The following HECA variants were observed in gnomAD, a reference collection of about 807,000 sequenced individuals.
HECA encodes the protein headcase protein homolog.
In HECA, 13 loss-of-function variants were observed where a neutral mutation model predicts 37.6. The ratio of observed to expected loss-of-function variants is 0.35; its 90% CI spans 0.23 to 0.55. HECA has a LOEUF of 0.55. Among genes scored for constraint, HECA ranks in the 20% least tolerant of loss-of-function variants. The pLI is 0.90. For missense variants in HECA, 527 were observed against 701.9 expected (o/e 0.75, Z 2.82); for synonymous variants, 307 against 291.5 (o/e 1.05, Z -0.54).
chr6:139,140,660 C>G (rs539512008), intron 1 of HECA, among the ~76,000 whole-genome samples: 8 of 152,326 alleles, frequency 5.3e-5, no homozygotes, highest in Non-Finnish European at 1.0e-4. Flanking sequence ...ACGGGAAAAT[C>G]TCTTGCAGCT....
At chr6:139,149,120 A>G (rs1774618524) in intron 1 of HECA, among the ~76,000 whole-genome samples, 1 of 152,204 alleles carries the variant, frequency 6.6e-6, no homozygotes, top group South Asian at 2.1e-4. Flanking sequence ...ACATGTGTAT[A>G]TTAATAAAAT....
chr6:139,163,605 C>T (rs145975280), intron 1 of HECA, among the ~76,000 whole-genome samples: 3 of 152,294 alleles, frequency 2.0e-5, no homozygotes, highest in East Asian at 1.9e-4. Context: ...CCACCCGCCA[C>T]GGCCTTCGAA....
intron 1 of HECA, among the ~76,000 whole-genome samples, chr6:139,136,641 G>GTT (rs71015633): frequency 1.0e-3 from 146 of 142,498 alleles, no homozygotes; most frequent in East Asian, 1.8e-3. Context: ...TTTTTGTTTT[G>GTT]TTTTTTTTTT....
In HECA at chr6:139,166,686, G is replaced by A. The variant is rs747861281; in HGVS notation, c.674G>A (p.Cys225Tyr). The change falls in exon 2 of 4, where the codon TGC becomes TAC. Residue 225 changes from cysteine (C) to tyrosine (Y), a missense_variant. By Grantham distance (194) the Cys-to-Tyr change is radical. Transcript: ENST00000367658. The part of the protein sequence containing the change: ...PGEAAEEAKK[C>Y]RPPNKPQKGP... ...GAGGCGGCGGAGGAGGCAAAAAAGT[G>A]CAGGCCCCCAAATAAGCCCCAGAAA... 2.0e-5 allele frequency: 32 copies of A among 1,613,390 alleles called. No homozygotes were observed. Among genetic ancestry groups the A allele is most frequent in the Non-Finnish European group, 2.6e-5 (31 of 1,179,730 alleles).
intron 1 of HECA, among the ~76,000 whole-genome samples, chr6:139,154,543 G>A (rs1027877794): frequency 2.0e-5 from 3 of 152,208 alleles, no homozygotes; most frequent in Admixed American, 1.3e-4. Context: ...TTTTCTAACC[G>A]GTAACTGGTC....
chr6:139,135,577 G>C lies in HECA; in HGVS notation c.181G>C (p.Gly61Arg). ...GGCGGCGGCGGGCGCGCCGGGCGCC[G>C]GAGGCGCGGCGGGCGCCGGAGGCGC... ...GAAAAGAPGAGGAAGAGGAGT... is the reference protein window; with the variant it reads ...GAAAAGAPGARGAAGAGGAGT... The change falls in exon 1 of 4, where the codon GGA becomes CGA. Residue 61 changes from glycine to arginine, a missense_variant. Gly to Arg is a moderately radical substitution (Grantham distance 125). Around this residue, in one of 4 missense-constraint regions of HECA, gnomAD observed 172 missense variants for 197.6 expected, o/e 0.87. Coordinates refer to ENST00000367658, the MANE Select transcript of HECA (RefSeq NM_016217.3). 1.6e-5 allele frequency: 15 copies of C among 947,868 alleles called. No homozygotes were observed. Among genetic ancestry groups the C allele is most frequent in the Non-Finnish European group, 1.9e-5 (15 of 799,946 alleles). 58.7% of individuals were successfully genotyped at this position (947,868 alleles called of 1,614,324 possible).
At chr6:139,146,912 A>G (rs1433979857) in intron 1 of HECA, among the ~76,000 whole-genome samples, 1 of 152,222 alleles carries the variant, frequency 6.6e-6, no homozygotes, top group African/African-American at 2.4e-5. Flanking sequence ...GCTGTAGTGC[A>G]GAAGCAAATT....
intron 1 of HECA, among the ~76,000 whole-genome samples, chr6:139,165,352 A>G (rs72980678): frequency 6.6e-6 from 1 of 152,082 alleles, no homozygotes; most frequent in Non-Finnish European, 1.5e-5. Context: ...AGCCTCCCCC[A>G]CTGTGAATAC....
At chr6:139,152,591 T>C (rs1774664768) in intron 1 of HECA, among the ~76,000 whole-genome samples, 2 of 152,182 alleles carry the variant, frequency 1.3e-5, no homozygotes, top group Admixed American at 1.3e-4. Context: ...GTTCACACAC[T>C]AAAATAACAT....
chr6:139,163,155 C>A (rs1774831013), intron 1 of HECA, among the ~76,000 whole-genome samples: 1 of 152,070 alleles, frequency 6.6e-6, no homozygotes, highest in Admixed American at 6.5e-5. Context: ...GATTTTACCC[C>A]CTAGGGGATA....
chr6:139,154,492 G>A (rs1774690041), intron 1 of HECA, among the ~76,000 whole-genome samples: 1 of 152,214 alleles, frequency 6.6e-6, no homozygotes, highest in South Asian at 2.1e-4. Flanking sequence ...TATCAGTTGA[G>A]CTTTTAGAAT....
intron 1 of HECA, among the ~76,000 whole-genome samples, chr6:139,142,987 G>T (rs1774534543): frequency 6.6e-6 from 1 of 152,126 alleles, no homozygotes; most frequent in South Asian, 2.1e-4. Context: ...TTTAGTAACT[G>T]GTGATAGAGT....
chr6:139,172,253 T>C (rs1562250074), intron 2 of HECA, among the ~76,000 whole-genome samples: 1 of 152,248 alleles, frequency 6.6e-6, no homozygotes, highest in Non-Finnish European at 1.5e-5. Flanking sequence ...CATGAGCCAC[T>C]GTGCCTAGCC....
intron 1 of HECA, among the ~76,000 whole-genome samples, chr6:139,151,903 A>C (rs889852081): frequency 1.3e-5 from 2 of 152,224 alleles, no homozygotes; most frequent in East Asian, 1.9e-4. Flanking sequence ...TCCTGTGTGC[A>C]GTATGGGTGG....
At chr6:139,152,572 T>C (rs1774664536) in intron 1 of HECA, among the ~76,000 whole-genome samples, 1 of 152,172 alleles carries the variant, frequency 6.6e-6, no homozygotes, top group South Asian at 2.1e-4. Context: ...GCTACTCACT[T>C]TGGAGCAGGT....
rs983188928 is a variant in HECA, at chr6:139,166,567, G to A, written c.555G>A (p.Leu185=). Residue 185 remains leucine (L), a synonymous_variant, in exon 2 of 4, where the codon TTG becomes TTA. Coordinates refer to ENST00000367658, the MANE Select transcript of HECA (RefSeq NM_016217.3). ...FCSCRCGQGH[L]KKDTDWYQVK... Reference sequence around the variant, plus strand: ...CTTGCCGCTGTGGCCAGGGCCACTTGAAGAAGGACACAGACTGGTATCAGG... The same window carrying A: ...CTTGCCGCTGTGGCCAGGGCCACTTAAAGAAGGACACAGACTGGTATCAGG... 2.5e-6 allele frequency: 4 copies of A among 1,614,144 alleles called. No homozygotes were observed. Among genetic ancestry groups the A allele is most frequent in the Admixed American group, 3.3e-5 (2 of 60,014 alleles).
rs983054067 is a variant in HECA at position 139,180,718 on chromosome 6, A to G, written c.*3613A>G. 1.3e-5 allele frequency: 2 copies of G among 152,660 alleles called. No individual in the cohort carries two copies. The highest frequency in any genetic ancestry group is 2.9e-5 in the Non-Finnish European group (2 of 68,046). 9.5% of individuals were successfully genotyped at this position (152,660 alleles called of 1,614,324 possible). A position where few individuals can be genotyped will look rare whatever the true frequency, so the allele number is the denominator to read the frequency against. ...TAAAGAATGTTGATAAAATTGAAAC[A>G]TTTGGTTGTGGAATTGTGTGTGGTT... is the stretch of plus-strand genomic sequence containing the variant. On this transcript the variant is annotated 3_prime_UTR_variant, in exon 4 of 4. Coordinates refer to ENST00000367658, the MANE Select transcript of HECA (RefSeq NM_016217.3).
chr6:139,171,279 G>A (rs1193014968), intron 2 of HECA, among the ~76,000 whole-genome samples: 1 of 152,176 alleles, frequency 6.6e-6, no homozygotes, highest in Non-Finnish European at 1.5e-5. Flanking sequence ...AATCTTGAGA[G>A]TACCTTTCAG....
rs1329698742 is a variant in HECA at position 139,180,064 on chromosome 6, G to A, written c.*2959G>A. On this transcript the variant is annotated 3_prime_UTR_variant, in exon 4 of 4. Transcript: ENST00000367658. The stretch of plus-strand genomic sequence containing the variant: ...ACATTTGAAGCAGTTGATATAATGG[G>A]TTTATACTTTAAAAGATAGACATGG... 6.6e-6 allele frequency: 1 copy of A among 152,120 alleles called. No homozygotes were observed. Among genetic ancestry groups the A allele is most frequent in the Non-Finnish European group, 1.5e-5 (1 of 68,024 alleles). The allele number at this position is 152,120 out of a possible 1,614,324, so 9.4% of individuals were successfully genotyped here.
Sources: allele counts gnomAD v4.1 joint callset (sites outside exome capture counted in the v4.1 genomes callset), GRCh38; gene constraint gnomAD v4.1.1; regional missense constraint gnomAD v4.1.1; transcripts MANE v1.5; gene names NCBI Gene and HGNC (gene_info 2026-07-23, HGNC 2026-07-21).